Variants in LINGO2 observed in about 807,000 individuals in gnomAD.
The protein encoded by LINGO2 is leucine-rich repeat and immunoglobulin-like domain-containing nogo receptor-interacting protein 2.
Under a neutral mutation model 30.6 loss-of-function variants are expected in LINGO2, and 14 were observed. The ratio of observed to expected loss-of-function variants is 0.46; its 90% CI spans 0.30 to 0.72. LINGO2 has a LOEUF of 0.72. Ranked by LOEUF, LINGO2 falls within the 30% of genes least tolerant of loss-of-function variation. The pLI is 0.07. For synonymous variants in LINGO2, 317 were observed against 288.5 expected (o/e 1.10, Z -1.00); for missense variants, 729 against 751.7 (o/e 0.97, Z 0.35).
intron 4 of LINGO2, among the ~76,000 whole-genome samples, chr9:28,038,181 T>G (rs1322645462): frequency 6.6e-6 from 1 of 152,266 alleles, no homozygotes; most frequent in Admixed American, 6.5e-5. Context: ...ACCCAACATT[T>G]GTAATGGATT....
chr9:28,838,747 G>T, the LINGO2 span, among the ~76,000 whole-genome samples: 1 of 152,168 alleles, frequency 6.6e-6, no homozygotes, highest in Non-Finnish European at 1.5e-5. Context: ...CCTGAGTTTT[G>T]CTTGCGCCCA....
chr9:28,992,145 G>A, the LINGO2 span, among the ~76,000 whole-genome samples: 1 of 152,012 alleles, frequency 6.6e-6, no homozygotes, highest in Non-Finnish European at 1.5e-5. Flanking sequence ...GACACACATA[G>A]GCTCAAAATA....
chr9:28,231,266 A>C (rs1183660483), intron 4 of LINGO2, among the ~76,000 whole-genome samples: 1 of 152,046 alleles, frequency 6.6e-6, no homozygotes, highest in Non-Finnish European at 1.5e-5. Flanking sequence ...AAGAGTTCAT[A>C]ATATATGCCT....
At chr9:28,731,183 T>G in the LINGO2 span, among the ~76,000 whole-genome samples, 60 of 152,130 alleles carry the variant, frequency 3.9e-4, 1 homozygote, top group South Asian at 4.8e-3. Flanking sequence ...GAGGCGAGAT[T>G]TCTCCATGTT....
intron 4 of LINGO2, among the ~76,000 whole-genome samples, chr9:28,202,307 T>C (rs1487945440): frequency 6.6e-6 from 1 of 152,134 alleles, no homozygotes; most frequent in Admixed American, 6.5e-5. Flanking sequence ...CTTTGAAAGT[T>C]TGACTCCATA....
Position 28,148,014 on chromosome 9 carries a change from C to T in LINGO2, c.-86-135609G>A, listed in dbSNP as rs998697860. 6.6e-6 allele frequency among the ~76,000 whole-genome samples: 1 copy of T among 152,156 alleles called. No individual in the cohort carries two copies. Among genetic ancestry groups the T allele is most frequent in the Non-Finnish European group, 1.5e-5 (1 of 68,020 alleles). On this transcript the variant is annotated intron_variant, in intron 4 of 5. Coordinates refer to ENST00000379992, the Ensembl canonical transcript of LINGO2. This position sits in a 1 kb window ranked among gnomAD's most constrained non-coding sequence, Gnocchi z 5.1. ...GGCAACTCATTAAGCATATTTTGTTCCTGGTTCCGCCACAGGTCCTGGCCA... is the reference window on the plus strand; with the variant it reads ...GGCAACTCATTAAGCATATTTTGTTTCTGGTTCCGCCACAGGTCCTGGCCA...
the LINGO2 span, among the ~76,000 whole-genome samples, chr9:28,967,232 T>C: frequency 6.6e-6 from 1 of 152,156 alleles, no homozygotes; most frequent in African/African-American, 2.4e-5. Context: ...TTTGAGGGCT[T>C]TGCTGAGTTC....
At chr9:28,576,052 G>A (rs1587894935) in intron 1 of LINGO2, among the ~76,000 whole-genome samples, 1 of 152,134 alleles carries the variant, frequency 6.6e-6, no homozygotes, top group Non-Finnish European at 1.5e-5. Context: ...TGAAAATATT[G>A]TAAGTCAAAA....
intron 1 of LINGO2, among the ~76,000 whole-genome samples, chr9:28,535,684 C>A (rs1253243410): frequency 3.3e-5 from 5 of 151,650 alleles, no homozygotes; most frequent in Non-Finnish European, 5.9e-5. Flanking sequence ...CATATGTACA[C>A]CACATGAGTA....
the LINGO2 span, among the ~76,000 whole-genome samples, chr9:28,843,877 T>G: frequency 6.6e-6 from 1 of 151,776 alleles, no homozygotes; most frequent in Non-Finnish European, 1.5e-5. Context: ...CGATTTAGGT[T>G]CAAATTATTG....
At chr9:28,991,889 C>T in the LINGO2 span, among the ~76,000 whole-genome samples, 9 of 151,610 alleles carry the variant, frequency 5.9e-5, no homozygotes, top group South Asian at 2.1e-4. Context: ...AAGGAACAAT[C>T]GGTACCAGCC....
At chr9:28,788,118 A>T in the LINGO2 span, among the ~76,000 whole-genome samples, 1 of 152,230 alleles carries the variant, frequency 6.6e-6, no homozygotes, top group Non-Finnish European at 1.5e-5. Context: ...AAGATATCAC[A>T]AAAAAGATAT....
At chr9:28,839,678 T>C in the LINGO2 span, among the ~76,000 whole-genome samples, 6 of 152,084 alleles carry the variant, frequency 3.9e-5, no homozygotes, top group East Asian at 3.9e-4. Context: ...TGTGTGCTGA[T>C]TGGCCCATGG....
chr9:28,794,904 C>T, the LINGO2 span, among the ~76,000 whole-genome samples: 2 of 151,200 alleles, frequency 1.3e-5, no homozygotes, highest in Non-Finnish European at 2.9e-5. Context: ...GATCTCAGCT[C>T]ACTGCAACCT....
intron 3 of LINGO2, among the ~76,000 whole-genome samples, chr9:28,346,545 T>A (rs185315174): frequency 6.6e-6 from 1 of 152,288 alleles, no homozygotes; most frequent in East Asian, 1.9e-4. Flanking sequence ...TTCCTTTGGG[T>A]ACATATCCAG....
chr9:28,237,520 A>T (rs1471197881), intron 4 of LINGO2, among the ~76,000 whole-genome samples: 1 of 152,000 alleles, frequency 6.6e-6, no homozygotes, highest in Non-Finnish European at 1.5e-5. Context: ...TGAATGGATT[A>T]AAAAAAACAA....
the LINGO2 span, among the ~76,000 whole-genome samples, chr9:29,183,638 T>C: frequency 1.3e-5 from 2 of 152,182 alleles, no homozygotes; most frequent in Admixed American, 1.3e-4. Context: ...CCTTAACCAG[T>C]AGGCACTCAG....
the LINGO2 span, among the ~76,000 whole-genome samples, chr9:29,151,685 C>A: frequency 6.6e-6 from 1 of 152,062 alleles, no homozygotes; most frequent in Non-Finnish European, 1.5e-5. Context: ...AGGTTCAATT[C>A]AACAAAATTT....
At chr9:28,923,158 GA>G in the LINGO2 span, among the ~76,000 whole-genome samples, 1 of 152,124 alleles carries the variant, frequency 6.6e-6, no homozygotes. Context: ...TTCAGCCCGG[GA>G]AAACTGATTT....
Sources: allele counts gnomAD v4.1 joint callset (sites outside exome capture counted in the v4.1 genomes callset), GRCh38; gene constraint gnomAD v4.1.1; non-coding constraint Gnocchi (gnomAD v3.1); transcripts MANE v1.5; gene names NCBI Gene and HGNC (gene_info 2026-07-23, HGNC 2026-07-21).